Variants in PDCD11 observed in about 807,000 individuals in gnomAD.
PDCD11 encodes the protein programmed cell death 11.
A neutral mutation model predicts 198.9 loss-of-function variants in PDCD11; 97 were observed. That is an observed-to-expected ratio of 0.49 (90% confidence interval 0.41 to 0.58). The LOEUF (loss-of-function observed/expected upper bound fraction) is 0.58. Ranked by LOEUF, PDCD11 falls within the 20% of genes least tolerant of loss-of-function variation. The pLI is 0.00. For synonymous variants in PDCD11, 893 were observed against 918.0 expected (o/e 0.97, Z 0.49); for missense variants, 2,102 against 2,312.7 (o/e 0.91, Z 1.87).
rs552421122 is a variant in PDCD11 at position 103,442,287 on chromosome 10, G to A, written c.4782G>A (p.Ala1594=). ...AEKELSRIEE[A]LMDPGRQPES... ...AGGAACTGTCCCGCATTGAGGAGGC[G>A]CTGATGGATCCTGGGCGGCAGCCAG... The change falls in exon 32 of 36, where the codon GCG becomes GCA. Residue 1594 remains alanine, a synonymous_variant. Coordinates refer to ENST00000369797, the MANE Select transcript of PDCD11 (RefSeq NM_014976.2). The A allele has an allele frequency of 4.1e-5, 66 of 1,614,114 alleles. No homozygotes were observed. The highest frequency in any genetic ancestry group is 2.3e-4 in the South Asian group (21 of 91,084).
chr10:103,397,747 A>G (rs2093444768), intron 1 of PDCD11, among the ~76,000 whole-genome samples: 1 of 152,192 alleles, frequency 6.6e-6, no homozygotes, highest in South Asian at 2.1e-4. Context: ...TTTAAAATTT[A>G]ACTTCAATTT....
intron 19 of PDCD11, among the ~76,000 whole-genome samples, chr10:103,424,666 G>A (rs530694144): frequency 6.6e-6 from 1 of 152,302 alleles, no homozygotes; most frequent in Admixed American, 6.5e-5. Flanking sequence ...GAGGTTGCAA[G>A]GCTGTGCATC....
chr10:103,436,192 C>G (rs1200535523), intron 25 of PDCD11, among the ~76,000 whole-genome samples: 1 of 152,122 alleles, frequency 6.6e-6, no homozygotes, highest in Non-Finnish European at 1.5e-5. Flanking sequence ...CCTCTGCCTC[C>G]TGGGTTCAAG....
intron 7 of PDCD11, among the ~76,000 whole-genome samples, chr10:103,409,437 A>G (rs1209772409): frequency 2.0e-5 from 3 of 151,794 alleles, no homozygotes; most frequent in Non-Finnish European, 4.4e-5. Context: ...CTTCCATTCC[A>G]TGGAGGACTC....
chr10:103,441,774 CAG>C, intron 30 of PDCD11, 50 bp from the exon 31 acceptor site: 3 of 1,566,972 alleles, frequency 1.9e-6, no homozygotes, highest in Non-Finnish European at 2.6e-6. Context: ...CACGGGGGAA[CAG>C]GGAGCAGCCT....
chr10:103,399,007 C>T (rs1410261112), intron 2 of PDCD11, among the ~76,000 whole-genome samples: 1 of 151,998 alleles, frequency 6.6e-6, no homozygotes, highest in Non-Finnish European at 1.5e-5. Context: ...GAGTGAGACT[C>T]TGTCTCAAAA....
rs761219033 is a variant in PDCD11 at position 103,443,302 on chromosome 10, C to T, written c.5093C>T (p.Ala1698Val). The change falls in exon 33 of 36, where the codon GCT (alanine) becomes GTT (valine). Residue 1698 changes from alanine to valine, a missense_variant. By Grantham distance (64) the Ala-to-Val change is moderately conservative. Coordinates refer to ENST00000369797, the MANE Select transcript of PDCD11 (RefSeq NM_014976.2). The part of the protein sequence containing the change: ...NEPLKVFLHL[A>V]DIYAKSEKFQ... ...CCTCTCAAAGTCTTTCTCCACCTGGCTGACATCTACGCCAAGTCAGAGAAA... is the reference window on the plus strand; with the variant it reads ...CCTCTCAAAGTCTTTCTCCACCTGGTTGACATCTACGCCAAGTCAGAGAAA... The T allele has an allele frequency of 6.2e-7, 1 of 1,611,674 alleles. No homozygotes were observed. Among genetic ancestry groups the T allele is most frequent in the South Asian group, 1.1e-5 (1 of 90,928 alleles).
At chr10:103,430,068 AC>A (rs1163572287) in intron 21 of PDCD11, among the ~76,000 whole-genome samples, 1 of 151,980 alleles carries the variant, frequency 6.6e-6, no homozygotes, top group East Asian at 1.9e-4. Flanking sequence ...ATGGCTGACT[AC>A]AGCCTTGACG....
chr10:103,407,809 C>T (rs1163210755), intron 7 of PDCD11, among the ~76,000 whole-genome samples: 1 of 151,802 alleles, frequency 6.6e-6, no homozygotes, highest in Non-Finnish European at 1.5e-5. Flanking sequence ...ACCTCTGCCT[C>T]CCGGATTCAA....
Position 103,440,835 on chromosome 10 carries a change from G to T in PDCD11, c.4542G>T (p.Thr1514=), listed in dbSNP as rs760156751. The T allele has an allele frequency of 1.2e-6, 2 of 1,611,314 alleles. No homozygotes were observed. The highest frequency in any genetic ancestry group is 4.5e-5 in the East Asian group (2 of 44,868). Residue 1514 remains threonine (T), a synonymous_variant, in exon 30 of 36, where the codon ACG becomes ACT. Transcript: ENST00000369797. ...YREGKEEAEE[T]NVLPKEKQTK... is the part of the protein sequence containing the mutation. ...AGGGAAAAGAGGAGGCAGAAGAGAC[G>T]AATGTGCTGCCCAAGGTGAGGGTGA...
rs201517950 is a variant in PDCD11 at position 103,444,027 on chromosome 10, G to A, written c.5237G>A (p.Arg1746His). Residue 1746 changes from arginine (R) to histidine (H), a missense_variant, in exon 34 of 36, where the codon CGC (arginine) becomes CAC (histidine). Coordinates refer to ENST00000369797, the MANE Select transcript of PDCD11 (RefSeq NM_014976.2). ...AGGAGCCAGGCTGCAGCCAGTCACC[G>A]CGTGCTGCAGCGAGCCCTGGAGTGC... Reference protein sequence around the residue: ...LRRSQAAASHRVLQRALECLP... With the variant: ...LRRSQAAASHHVLQRALECLP... The A allele has an allele frequency of 2.3e-4, 368 of 1,612,442 alleles. No individual in the cohort carries two copies. The highest frequency in any genetic ancestry group is 3.0e-4 in the Non-Finnish European group (352 of 1,179,912).
intron 20 of PDCD11, among the ~76,000 whole-genome samples, chr10:103,425,746 C>T (rs1592132099): frequency 6.6e-6 from 1 of 151,566 alleles, no homozygotes; most frequent in South Asian, 2.1e-4. Context: ...GTGGTGTGAT[C>T]TCGCCTCACT....
At position 103,415,130 on chromosome 10, in the gene PDCD11, C is replaced by G. The variant is rs1051853046; in HGVS notation, c.1497C>G (p.Ile499Met). 6 of 1,613,956 alleles carry G rather than the reference C, an allele frequency of 3.7e-6. No individual in the cohort carries two copies. The highest frequency in any genetic ancestry group is 1.7e-5 in the Admixed American group (1 of 60,006). ...LMKNPEKKYH[I>M]GDEVKCRVLL... ...AGAATCCGGAGAAGAAGTACCACAT[C>G]GGGGATGAGGTCAAGTGCCGGGTGA... Residue 499 changes from isoleucine (I) to methionine (M), a missense_variant, in exon 12 of 36, where the codon ATC (isoleucine) becomes ATG (methionine). By Grantham distance (10) the Ile-to-Met change is conservative. Transcript: ENST00000369797.
In PDCD11 at chr10:103,423,539, G is replaced by T. The variant is rs552912304; in HGVS notation, c.2648-4G>T. The T allele has an allele frequency of 1.2e-6, 2 of 1,604,998 alleles. No homozygotes were observed. Among genetic ancestry groups the T allele is most frequent in the African/African-American group, 2.7e-5 (2 of 74,728 alleles). ...GATAATCACACTGTGGTTCTGCACTGCAGGGCAGGAGGTGGAATCTGGGCA... is the reference window on the plus strand; with the variant it reads ...GATAATCACACTGTGGTTCTGCACTTCAGGGCAGGAGGTGGAATCTGGGCA... On this transcript the variant is annotated splice_polypyrimidine_tract_variant and splice_region_variant and intron_variant, in intron 18 of 35. Transcript: ENST00000369797.
intron 8 of PDCD11, among the ~76,000 whole-genome samples, chr10:103,411,253 C>T (rs1363672110): frequency 6.6e-6 from 1 of 152,056 alleles, no homozygotes; most frequent in East Asian, 1.9e-4. Context: ...CTACAATGAA[C>T]ATGGATATTT....
At chr10:103,429,862 A>G (rs926381512) in intron 21 of PDCD11, among the ~76,000 whole-genome samples, 1 of 152,140 alleles carries the variant, frequency 6.6e-6, no homozygotes, top group Non-Finnish European at 1.5e-5. Context: ...TGACTGTTCT[A>G]GGTACCTCAC....
At position 103,443,272 on chromosome 10, in the gene PDCD11, A is replaced by G; in HGVS notation, c.5063A>G (p.Asn1688Ser). ...TKVFERAVQY[N>S]EPLKVFLHLA... is the part of the protein sequence containing the mutation. ...GTCTTTGAGCGAGCCGTGCAGTACA[A>G]CGAGCCTCTCAAAGTCTTTCTCCAC... The change falls in exon 33 of 36, where the codon AAC (asparagine) becomes AGC (serine). Residue 1688 changes from asparagine to serine, a missense_variant. Coordinates refer to ENST00000369797, the MANE Select transcript of PDCD11 (RefSeq NM_014976.2). The G allele has an allele frequency of 3.7e-6, 6 of 1,612,998 alleles. No individual in the cohort carries two copies. The highest frequency in any genetic ancestry group is 2.2e-5 in the South Asian group (2 of 91,058).
At chr10:103,442,514 G>C in intron 32 of PDCD11, 54 bp downstream of exon 32, 1 of 1,580,882 alleles carries the variant, frequency 6.3e-7, no homozygotes, top group Non-Finnish European at 8.6e-7. Flanking sequence ...GGGCTGGGAA[G>C]TTTCTCAACC....
At chr10:103,422,398 T>A (rs2031489705) in intron 17 of PDCD11, among the ~76,000 whole-genome samples, 1 of 151,822 alleles carries the variant, frequency 6.6e-6, no homozygotes, top group Middle Eastern at 3.4e-3. Flanking sequence ...ACAGTTATTA[T>A]GTGTGCAGCT....
Sources: gnomAD v4.1 joint callset for allele counts (sites outside exome capture counted in the v4.1 genomes callset) on GRCh38, gnomAD v4.1.1 for gene constraint, MANE v1.5 for transcripts, NCBI Gene and HGNC (gene_info 2026-07-23, HGNC 2026-07-21) for gene names.